Variants in CYB5A observed in about 807,000 individuals in gnomAD.
CYB5A encodes the protein cytochrome b5.
CYB5A carries 10 observed loss-of-function variants against 16.2 expected under a neutral mutation model. That is an observed-to-expected ratio of 0.62 (90% CI 0.38 to 1.04). The LOEUF is 1.04. Ranked by LOEUF, CYB5A falls within the 50% of genes least tolerant of loss-of-function variation. CYB5A has a pLI of 0.01. For synonymous variants in CYB5A, 62 were observed against 57.0 expected (o/e 1.09, Z -0.40); for missense variants, 161 against 165.9 (o/e 0.97, Z 0.16).
rs1266794019 is a variant in CYB5A at position 74,259,907 on chromosome 18, C to T, written c.288+1008G>A. On this transcript the variant is annotated intron_variant, in intron 3 of 4. Transcript: ENST00000340533. Reference sequence around the variant, plus strand: ...ATCTCCTGGAAGTACTCATATCATTCACATTGAACTTAAGTCTTTCTTGAA... The same window carrying T: ...ATCTCCTGGAAGTACTCATATCATTTACATTGAACTTAAGTCTTTCTTGAA... 4 of 151,706 alleles carry T rather than the reference C, an allele frequency of 2.6e-5. No homozygotes were observed. The South Asian group carries it at 6.3e-4, about 24-fold the overall frequency. 9.4% of individuals were successfully genotyped at this position (151,706 alleles called of 1,614,324 possible). A position where few individuals can be genotyped will look rare whatever the true frequency, so the allele number is the denominator to read the frequency against.
intron 1 of CYB5A, among the ~76,000 whole-genome samples, chr18:74,267,954 G>A (rs1982510024): frequency 6.6e-6 from 1 of 152,210 alleles, no homozygotes; most frequent in African/African-American, 2.4e-5. Flanking sequence ...CCCAGAAGTG[G>A]GGATGGGCAT....
intron 3 of CYB5A, chr18:74,260,440 A>G: frequency 4.3e-6 from 1 of 233,396 alleles, no homozygotes; most frequent in Non-Finnish European, 8.5e-6. Flanking sequence ...GTAAGTCAAA[A>G]GGGTATTATT....
intron 1 of CYB5A, among the ~76,000 whole-genome samples, chr18:74,283,453 C>T (rs1268387883): frequency 6.6e-6 from 1 of 152,196 alleles, no homozygotes; most frequent in Non-Finnish European, 1.5e-5. Context: ...CCGACTCCCT[C>T]TATTTAAAAA....
In CYB5A at chr18:74,284,252, A is replaced by G. The variant is rs76909345; in HGVS notation, c.129+7495T>C. Among the ~76,000 whole-genome samples the G allele has an allele frequency of 4.3e-3, 635 of 147,410 alleles. 3 individuals carry two copies. Among genetic ancestry groups the G allele is most frequent in the Middle Eastern group, 7.0e-3 (2 of 286 alleles). On this transcript the variant is annotated intron_variant, in intron 1 of 4. Transcript: ENST00000340533. ...CATCTCCAAAAAAAAAAAAAAAAAA[A>G]AGAGAGATTAAAAGCACAAACGCAA...
intron 3 of CYB5A, chr18:74,257,969 A>G (rs943191365): frequency 5.3e-5 from 8 of 152,232 alleles, no homozygotes; most frequent in Non-Finnish European, 1.0e-4. Context: ...AGTCATGTGA[A>G]TCAGTGTAAA....
chr18:74,284,393 T>C (rs1055499826), intron 1 of CYB5A, among the ~76,000 whole-genome samples: 1 of 152,072 alleles, frequency 6.6e-6, no homozygotes, highest in South Asian at 2.1e-4. Flanking sequence ...CTAGGGATTG[T>C]TGGGGAGGGG....
intron 1 of CYB5A, among the ~76,000 whole-genome samples, chr18:74,283,329 C>A (rs763402167): frequency 6.6e-6 from 1 of 152,158 alleles, no homozygotes; most frequent in Non-Finnish European, 1.5e-5. Context: ...CACACATACC[C>A]ACTACACGTG....
chr18:74,262,172 G>C (rs1982228974), intron 2 of CYB5A, among the ~76,000 whole-genome samples: 1 of 152,154 alleles, frequency 6.6e-6, no homozygotes, highest in African/African-American at 2.4e-5. Context: ...GCCAAATTAG[G>C]ACTAGGTGCG....
At chr18:74,256,086 A>G (rs1371493939) in intron 3 of CYB5A, 2 of 329,920 alleles carry the variant, frequency 6.1e-6, no homozygotes, top group Non-Finnish European at 1.1e-5. Context: ...CTGAAAACAG[A>G]CATTCATGTT....
At chr18:74,253,706 A>C (rs1981856317) in intron 4 of CYB5A, 41 bp from the exon 5 acceptor site, 1 of 1,333,528 alleles carries the variant, frequency 7.5e-7, no homozygotes. Flanking sequence ...CATGATGTGC[A>C]CTGTGGTGGA....
At chr18:74,286,075 T>C (rs1983309282) in intron 1 of CYB5A, among the ~76,000 whole-genome samples, 1 of 152,128 alleles carries the variant, frequency 6.6e-6, no homozygotes. Flanking sequence ...AAAAGGGAGA[T>C]TACAGAGCAG....
At chr18:74,271,333 G>T (rs1319541479) in intron 1 of CYB5A, among the ~76,000 whole-genome samples, 1 of 152,148 alleles carries the variant, frequency 6.6e-6, no homozygotes, top group Non-Finnish European at 1.5e-5. Context: ...GACCCAATGG[G>T]TCCTAAACTC....
intron 3 of CYB5A, chr18:74,256,755 C>T (rs1437457644): frequency 5.8e-6 from 8 of 1,375,942 alleles, no homozygotes; most frequent in African/African-American, 2.9e-5. Flanking sequence ...CTGCAAAGCA[C>T]GTTAGAGAAA....
chr18:74,281,653 C>A (rs1437163627), intron 1 of CYB5A, among the ~76,000 whole-genome samples: 2 of 151,984 alleles, frequency 1.3e-5, no homozygotes, highest in Admixed American at 6.6e-5. Flanking sequence ...GGATTGGAGA[C>A]CAGGCTTAAC....
At chr18:74,266,294 C>T (rs193224748) in intron 1 of CYB5A, among the ~76,000 whole-genome samples, 1 of 152,328 alleles carries the variant, frequency 6.6e-6, no homozygotes, top group African/African-American at 2.4e-5. Flanking sequence ...TATAAAATGA[C>T]TCAGCCAGGA....
At chr18:74,266,043 A>G (rs1489137952) in intron 1 of CYB5A, among the ~76,000 whole-genome samples, 2 of 152,168 alleles carry the variant, frequency 1.3e-5, no homozygotes, top group Non-Finnish European at 2.9e-5. Context: ...GCATTCCCCA[A>G]TTTACTGAAA....
chr18:74,289,903 A>G (rs1736952953), intron 1 of CYB5A, among the ~76,000 whole-genome samples: 1 of 152,136 alleles, frequency 6.6e-6, no homozygotes, highest in South Asian at 2.1e-4. Context: ...GGCTGGCCCA[A>G]AATGTCAACA....
At chr18:74,276,847 C>G (rs9958283) in intron 1 of CYB5A, among the ~76,000 whole-genome samples, 4,294 of 152,244 alleles carry the variant, frequency 0.028, 194 homozygotes, top group African/African-American at 0.098. Context: ...TGTTTGGCAG[C>G]TACCCATCTG....
chr18:74,272,512 T>G (rs1886016280), intron 1 of CYB5A, among the ~76,000 whole-genome samples: 1 of 152,294 alleles, frequency 6.6e-6, no homozygotes, highest in Admixed American at 6.5e-5. Flanking sequence ...TTCTAACAAT[T>G]CTGGTATTTC....
Sources: gnomAD v4.1 joint callset for allele counts (sites outside exome capture counted in the v4.1 genomes callset) on GRCh38, gnomAD v4.1.1 for gene constraint, MANE v1.5 for transcripts, NCBI Gene and HGNC (gene_info 2026-07-23, HGNC 2026-07-21) for gene names.